SGCZ: variants seen among roughly 807,000 people sequenced by gnomAD.
The protein encoded by SGCZ is sarcoglycan zeta, also known as zeta-sarcoglycan.
A neutral mutation model predicts 41.3 loss-of-function variants in SGCZ; 40 were observed. That is an observed-to-expected ratio of 0.97 (90% CI 0.75 to 1.26). The LOEUF is 1.26. Among genes scored for constraint, SGCZ ranks in the 50% most tolerant of loss-of-function variants. SGCZ has a pLI of 0.00. For missense variants in SGCZ, 552 were observed against 369.8 expected, an observed-to-expected ratio of 1.49 and a Z score of -4.04; for synonymous variants, 206 against 137.5, an observed-to-expected ratio of 1.50 and a Z score of -3.49.
chr8:14,338,803 G>C (rs1802591958), intron 2 of SGCZ, among the ~76,000 whole-genome samples: 1 of 152,020 alleles, frequency 6.6e-6, no homozygotes. Flanking sequence ...GAAAATTCAA[G>C]TATTGATGCT....
chr8:14,382,164 T>C, intron 2 of SGCZ, among the ~76,000 whole-genome samples: 1 of 152,166 alleles, frequency 6.6e-6, no homozygotes, highest in East Asian at 1.9e-4. Flanking sequence ...TTTTTTCTGC[T>C]AAACCAGTAG....
intron 1 of SGCZ, among the ~76,000 whole-genome samples, chr8:15,144,278 C>T (rs1798973666): frequency 6.6e-6 from 1 of 152,140 alleles, no homozygotes; most frequent in Admixed American, 6.6e-5. Flanking sequence ...GTACTTGATC[C>T]TATATATCTT....
At chr8:14,266,649 G>C (rs925763868) in intron 3 of SGCZ, among the ~76,000 whole-genome samples, 2 of 152,070 alleles carry the variant, frequency 1.3e-5, no homozygotes, top group African/African-American at 4.8e-5. Context: ...TGAAGAAATC[G>C]TTAGGGACCT....
chr8:15,094,122 T>C (rs920419935), intron 1 of SGCZ, among the ~76,000 whole-genome samples: 1 of 152,056 alleles, frequency 6.6e-6, no homozygotes, highest in Non-Finnish European at 1.5e-5. Flanking sequence ...TTGTTTTATT[T>C]ATTTATGGTT....
chr8:15,102,929 T>C (rs924028216), intron 1 of SGCZ, among the ~76,000 whole-genome samples: 7 of 152,158 alleles, frequency 4.6e-5, no homozygotes, highest in Non-Finnish European at 1.0e-4. Flanking sequence ...CAAAGCAATA[T>C]AAATCATATT....
At chr8:14,467,035 T>G (rs1281644191) in intron 2 of SGCZ, among the ~76,000 whole-genome samples, 1 of 151,852 alleles carries the variant, frequency 6.6e-6, no homozygotes, top group Non-Finnish European at 1.5e-5. Context: ...CCTCACTTCC[T>G]CGGGTTTTAC....
At chr8:15,097,632 T>C (rs1410627792) in intron 1 of SGCZ, among the ~76,000 whole-genome samples, 1 of 151,316 alleles carries the variant, frequency 6.6e-6, no homozygotes, top group Non-Finnish European at 1.5e-5. Flanking sequence ...GTTGACTGCC[T>C]GTAGTACCAG....
intron 2 of SGCZ, among the ~76,000 whole-genome samples, chr8:14,491,229 C>T (rs1382044494): frequency 6.6e-6 from 1 of 152,154 alleles, no homozygotes; most frequent in Non-Finnish European, 1.5e-5. Flanking sequence ...AATGGCGATA[C>T]ACCGAACAGA....
At chr8:14,729,487 T>G (rs1010189891) in intron 1 of SGCZ, among the ~76,000 whole-genome samples, 1 of 152,190 alleles carries the variant, frequency 6.6e-6, no homozygotes, top group Non-Finnish European at 1.5e-5. Context: ...ACACGACTGG[T>G]GTCTTTAAAT....
intron 2 of SGCZ, among the ~76,000 whole-genome samples, chr8:14,359,209 TAAAG>T (rs1443924029): frequency 6.6e-6 from 1 of 151,884 alleles, no homozygotes; most frequent in Admixed American, 6.6e-5. Flanking sequence ...AAGTCAAGGA[TAAAG>T]AAAGGATCCT....
intron 1 of SGCZ, among the ~76,000 whole-genome samples, chr8:14,919,059 C>A (rs574065351): frequency 2.0e-5 from 3 of 152,126 alleles, no homozygotes; most frequent in Non-Finnish European, 4.4e-5. Flanking sequence ...CAATACTCAC[C>A]TTTTAAGATG....
intron 1 of SGCZ, among the ~76,000 whole-genome samples, chr8:14,625,449 A>G (rs1295190364): frequency 1.3e-5 from 2 of 152,190 alleles, no homozygotes; most frequent in African/African-American, 4.8e-5. Flanking sequence ...TTGTTTTACC[A>G]TATATATAGT....
At chr8:14,348,042 A>G (rs994716925) in intron 2 of SGCZ, among the ~76,000 whole-genome samples, 2 of 151,998 alleles carry the variant, frequency 1.3e-5, no homozygotes, top group African/African-American at 4.8e-5. Context: ...CCAGGGGTAC[A>G]TCTTACAAGA....
intron 2 of SGCZ, among the ~76,000 whole-genome samples, chr8:14,479,717 C>CCAGAATT (rs1801468715): frequency 7.0e-6 from 1 of 142,910 alleles, no homozygotes; most frequent in Non-Finnish European, 1.5e-5. Context: ...TCGCATACCT[C>CCAGAATT]CAGAATTCTA....
chr8:14,366,376 G>A (rs1026940216), intron 2 of SGCZ, among the ~76,000 whole-genome samples: 13 of 152,110 alleles, frequency 8.5e-5, no homozygotes, highest in African/African-American at 2.9e-4. Flanking sequence ...AAAACCATCC[G>A]ATCTTGTAAG....
At chr8:14,108,824 T>A (rs1379804448) in intron 5 of SGCZ, among the ~76,000 whole-genome samples, 1 of 152,178 alleles carries the variant, frequency 6.6e-6, no homozygotes, top group Non-Finnish European at 1.5e-5. Flanking sequence ...TTTATAAAAG[T>A]CAAAAGTCAG....
intron 1 of SGCZ, among the ~76,000 whole-genome samples, chr8:14,929,985 T>C (rs959248183): frequency 6.6e-6 from 1 of 152,072 alleles, no homozygotes; most frequent in Non-Finnish European, 1.5e-5. Context: ...TTTCTCATAA[T>C]CAAGATAAAT....
intron 1 of SGCZ, among the ~76,000 whole-genome samples, chr8:14,600,377 T>A (rs1321308182): frequency 6.6e-6 from 1 of 152,166 alleles, no homozygotes; most frequent in Non-Finnish European, 1.5e-5. Flanking sequence ...GGATCTATCA[T>A]CTCTACTTGG....
intron 1 of SGCZ, among the ~76,000 whole-genome samples, chr8:14,842,496 AAAGG>A (rs1802958396): frequency 7.0e-6 from 1 of 142,474 alleles, no homozygotes; most frequent in Non-Finnish European, 1.5e-5. Context: ...AGGAAGGAAG[AAAGG>A]AAGGAAAGGA....
Sources: allele counts gnomAD v4.1 joint callset (sites outside exome capture counted in the v4.1 genomes callset), GRCh38; gene constraint gnomAD v4.1.1; transcripts MANE v1.5; gene names NCBI Gene and HGNC (gene_info 2026-07-23, HGNC 2026-07-21).